FAT3: variants seen among roughly 807,000 people sequenced by gnomAD.
FAT3 encodes the protein protocadherin Fat 3.
FAT3 carries 95 observed loss-of-function variants against 310.2 expected under a neutral mutation model. The ratio of observed to expected loss-of-function variants is 0.31; its 90% CI spans 0.26 to 0.36. FAT3 has a LOEUF of 0.36. FAT3 is among the 10% of genes least tolerant of loss of function. The pLI is 1.00. For synonymous variants in FAT3, 2,314 were observed against 2,192.9 expected (o/e 1.06, Z -1.54); for missense variants, 5,408 against 5,715.6 (o/e 0.95, Z 1.74).
intron 24 of FAT3, among the ~76,000 whole-genome samples, chr11:92,885,604 C>T (rs1271515573): frequency 6.6e-6 from 1 of 152,172 alleles, no homozygotes; most frequent in Non-Finnish European, 1.5e-5. Context: ...TACTCCCTCT[C>T]AAATTATCTG....
chr11:92,416,362 C>T (rs1397692816), intron 2 of FAT3, among the ~76,000 whole-genome samples: 3 of 144,340 alleles, frequency 2.1e-5, no homozygotes, highest in East Asian at 2.0e-4. Context: ...CCAGCCTGGG[C>T]GACAGGGTGA....
chr11:92,793,398 T>C (rs145019819), intron 9 of FAT3, among the ~76,000 whole-genome samples: 132 of 152,296 alleles, frequency 8.7e-4, no homozygotes, highest in African/African-American at 3.1e-3. Flanking sequence ...AGGTGGTCTG[T>C]GGGCTTCAGA....
At chr11:92,609,361 GAATTTGCAAGTGGCTATATCT>G (rs1412093614) in intron 3 of FAT3, among the ~76,000 whole-genome samples, 1 of 152,166 alleles carries the variant, frequency 6.6e-6, no homozygotes, top group Non-Finnish European at 1.5e-5. Flanking sequence ...AACCTGTTTA[GAATTTGCAAGTGGCTATATCT>G]AATTTTCTGG....
intron 3 of FAT3, among the ~76,000 whole-genome samples, chr11:92,539,770 A>G (rs1954380098): frequency 1.3e-5 from 2 of 152,204 alleles, no homozygotes; most frequent in Non-Finnish European, 2.9e-5. Context: ...TTTGAGTGGC[A>G]TATAACACAC....
intron 9 of FAT3, among the ~76,000 whole-genome samples, chr11:92,795,933 A>C (rs1367828204): frequency 6.6e-6 from 1 of 152,034 alleles, no homozygotes; most frequent in Non-Finnish European, 1.5e-5. Flanking sequence ...ATTATATTTG[A>C]GGTCAAAAGC....
chr11:92,369,317 G>T (rs1422480498), intron 2 of FAT3, among the ~76,000 whole-genome samples: 1 of 152,156 alleles, frequency 6.6e-6, no homozygotes, highest in African/African-American at 2.4e-5. Context: ...AGTCTTTAAT[G>T]TTATTGCAGG....
At chr11:92,658,848 C>T (rs1196131623) in intron 3 of FAT3, among the ~76,000 whole-genome samples, 1 of 152,138 alleles carries the variant, frequency 6.6e-6, no homozygotes, top group Non-Finnish European at 1.5e-5. Flanking sequence ...GTTCAATGAG[C>T]TGTCAGTGCC....
rs374099969 is a variant in FAT3, at chr11:92,800,440, T to C, written c.7427T>C (p.Phe2476Ser). The C allele has an allele frequency of 3.7e-6, 6 of 1,613,904 alleles. No individual in the cohort carries two copies. The highest frequency in any genetic ancestry group is 5.1e-6 in the Non-Finnish European group (6 of 1,179,882). Residue 2476 changes from phenylalanine (F) to serine (S), a missense_variant, in exon 10 of 28, where the codon TTC (phenylalanine) becomes TCC (serine). Phe to Ser is a radical substitution (Grantham distance 155). Transcript: ENST00000525166. ...SLNVSVSDGLFTSTAQVHIRV... is the reference protein window; with the variant it reads ...SLNVSVSDGLSTSTAQVHIRV... ...AATGTGTCTGTCTCTGATGGGTTGT[T>C]CACCAGCACTGCACAGGTGCATATT...
At chr11:92,457,610 A>G (rs1256201210) in intron 2 of FAT3, among the ~76,000 whole-genome samples, 1 of 152,234 alleles carries the variant, frequency 6.6e-6, no homozygotes, top group Non-Finnish European at 1.5e-5. Flanking sequence ...ATTTAATATA[A>G]CCATACATGA....
At chr11:92,535,976 T>C (rs1954245236) in intron 3 of FAT3, among the ~76,000 whole-genome samples, 1 of 151,306 alleles carries the variant, frequency 6.6e-6, no homozygotes, top group Non-Finnish European at 1.5e-5. Flanking sequence ...AAAAAAGCAT[T>C]GAAGTTGCTA....
At chr11:92,297,161 G>A (rs1200112041) in intron 1 of FAT3, among the ~76,000 whole-genome samples, 2 of 152,184 alleles carry the variant, frequency 1.3e-5, no homozygotes, top group East Asian at 3.9e-4. Flanking sequence ...ATCATTGGTA[G>A]TCCTTCTCTT....
intron 1 of FAT3, among the ~76,000 whole-genome samples, chr11:92,257,180 A>G (rs1275094942): frequency 6.6e-6 from 1 of 152,164 alleles, no homozygotes; most frequent in Non-Finnish European, 1.5e-5. Context: ...GAGAACAGGT[A>G]TGCTGAGGCT....
intron 3 of FAT3, chr11:92,559,410 G>A (rs1219737960): frequency 1.2e-5 from 2 of 163,760 alleles, no homozygotes; most frequent in Non-Finnish European, 1.2e-5. Context: ...TTTGAAACAG[G>A]GTCTTGCTCT....
At chr11:92,863,347 A>G (rs1227557850) in intron 21 of FAT3, among the ~76,000 whole-genome samples, 1 of 152,198 alleles carries the variant, frequency 6.6e-6, no homozygotes, top group Middle Eastern at 3.2e-3. Flanking sequence ...ACCACATGCC[A>G]AGAATCTGAA....
In FAT3 at chr11:92,896,141, A is replaced by G. The variant is rs1291127690; in HGVS notation, c.*5028A>G. On this transcript the variant is annotated 3_prime_UTR_variant, in exon 28 of 28. Coordinates refer to ENST00000525166, the MANE Select transcript of FAT3 (RefSeq NM_001367949.2). ...TTTCAGAATCACAATGAGGTATGCC[A>G]TTTCTTCATATACATGCACATTCAC... The G allele has an allele frequency of 6.6e-6, 1 of 152,102 alleles. No homozygotes were observed. Among genetic ancestry groups the G allele is most frequent in the Non-Finnish European group, 1.5e-5 (1 of 68,026 alleles). 9.4% of individuals were successfully genotyped at this position (152,102 alleles called of 1,614,324 possible).
At chr11:92,568,771 C>G (rs1955568092) in intron 3 of FAT3, among the ~76,000 whole-genome samples, 1 of 152,078 alleles carries the variant, frequency 6.6e-6, no homozygotes, top group Admixed American at 6.6e-5. Flanking sequence ...CAACAGTTTC[C>G]AACTCGTCCT....
chr11:92,574,001 C>T (rs1264786258), intron 3 of FAT3, among the ~76,000 whole-genome samples: 1 of 145,866 alleles, frequency 6.9e-6, no homozygotes, highest in Non-Finnish European at 1.5e-5. Context: ...CTGGCGTGTT[C>T]CTCTGAAGGC....
Position 92,844,099 on chromosome 11 carries a change from C to G in FAT3, c.10732C>G (p.Gln3578Glu). 4.3e-6 allele frequency: 7 copies of G among 1,613,950 alleles called. No homozygotes were observed. Among genetic ancestry groups the G allele is most frequent in the Non-Finnish European group, 5.9e-6 (7 of 1,179,894 alleles). The change falls in exon 19 of 28, where the codon CAA becomes GAA. Residue 3578 changes from glutamine to glutamate, a missense_variant. Around this residue, in one of 5 missense-constraint regions of FAT3, gnomAD observed 4,588 missense variants for 4,809.8 expected, o/e 0.95. Transcript: ENST00000525166. Reference protein sequence around the residue: ...GVIGKIHATDQDMYDVLTFAL... With the variant: ...GVIGKIHATDEDMYDVLTFAL... Reference sequence around the variant, plus strand: ...CATTGGGAAGATTCATGCCACAGATCAAGACATGTATGATGTGCTCACATT... The same window carrying G: ...CATTGGGAAGATTCATGCCACAGATGAAGACATGTATGATGTGCTCACATT...
intron 3 of FAT3, among the ~76,000 whole-genome samples, chr11:92,540,175 G>A (rs1456278935): frequency 6.6e-6 from 1 of 152,084 alleles, no homozygotes; most frequent in Non-Finnish European, 1.5e-5. Context: ...TTCTTCCAGG[G>A]CTCTGCCTTC....
Sources: gnomAD v4.1 joint callset for allele counts (sites outside exome capture counted in the v4.1 genomes callset) on GRCh38, gnomAD v4.1.1 for gene constraint, gnomAD v4.1.1 regional missense constraint, MANE v1.5 for transcripts, NCBI Gene and HGNC (gene_info 2026-07-23, HGNC 2026-07-21) for gene names.